The following YIPF6 variants were observed in gnomAD, a reference collection of about 807,000 sequenced individuals.
YIPF6 encodes Yip1 domain family member 6.
YIPF6 carries 3 observed loss-of-function variants against 16.8 expected under a neutral mutation model. The observed-to-expected ratio is 0.18, with a 90% CI of 0.08 to 0.46. YIPF6 has a LOEUF of 0.46. Ranked by LOEUF, YIPF6 falls within the 20% of genes least tolerant of loss-of-function variation. YIPF6 has a pLI of 0.98. For missense variants in YIPF6, 145 were observed against 184.9 expected, an observed-to-expected ratio of 0.78 and a Z score of 1.25; for synonymous variants, 67 against 61.9, an observed-to-expected ratio of 1.08 and a Z score of -0.38.
At chrX:68,510,583 ATAT>A (rs1569324226) in intron 1 of YIPF6, 1 of 89,316 alleles carries the variant, frequency 1.1e-5, no homozygotes, top group African/African-American at 6.7e-5. Flanking sequence ...TTTATATTTT[ATAT>A]TTTATTTATT....
At chrX:68,527,668 C>T (rs1470245166) in intron 6 of YIPF6, among the ~76,000 whole-genome samples, 1 of 111,526 alleles carries the variant, frequency 9.0e-6, no homozygotes, top group East Asian at 2.8e-4. Flanking sequence ...CTGGTATGTT[C>T]CGTCTTTGTT....
At chrX:68,527,566 GT>G (rs769632559) in intron 6 of YIPF6, among the ~76,000 whole-genome samples, 1 of 111,680 alleles carries the variant, frequency 9.0e-6, no homozygotes, top group African/African-American at 3.3e-5. Flanking sequence ...TGATGTTAGG[GT>G]GTCAGTTTTA....
chrX:68,521,658 C>G (rs753754388), intron 5 of YIPF6, among the ~76,000 whole-genome samples, 161 bp downstream of exon 5: 3 of 108,839 alleles, frequency 2.8e-5, no homozygotes, highest in Non-Finnish European at 5.7e-5. Context: ...ACTGCAGCCT[C>G]TATCTCCCAG....
chrX:68,499,278 T>G, intron 1 of YIPF6, 155 bp downstream of exon 1: 1 of 698,128 alleles, frequency 1.4e-6, no homozygotes, highest in East Asian at 4.0e-5. Context: ...ACACTGCACC[T>G]GTTCTTTGCG....
intron 1 of YIPF6, among the ~76,000 whole-genome samples, chrX:68,504,436 G>T (rs1388021463): frequency 1.8e-5 from 2 of 111,399 alleles, no homozygotes; most frequent in Non-Finnish European, 3.8e-5. Context: ...TTCTGACGTG[G>T]TTAGCCCCCA....
Position 68,535,165 on chromosome X carries a change from GT to G in YIPF6, c.*3170del, listed in dbSNP as rs1221082768. On this transcript the variant is annotated 3_prime_UTR_variant, in exon 7 of 7. Coordinates refer to ENST00000462683, the MANE Select transcript of YIPF6 (RefSeq NM_173834.4). ...ATTTTCATATTTTCATTTTGGTGGG[GT>G]TTTCCTGTTGTTGGGCAAGGTGGGG... 8.9e-6 allele frequency: 1 copy of G among 112,324 alleles called. No individual in the cohort carries two copies. The highest frequency in any genetic ancestry group is 9.4e-5 in the Admixed American group (1 of 10,588). 9.3% of individuals were successfully genotyped at this position (112,324 alleles called of 1,213,427 possible).
At chrX:68,528,191 G>T (rs1428525502) in intron 6 of YIPF6, among the ~76,000 whole-genome samples, 2 of 111,518 alleles carry the variant, frequency 1.8e-5, no homozygotes, top group Non-Finnish European at 3.8e-5. Flanking sequence ...ATATATTTAG[G>T]ATAGTTAGCT....
intron 6 of YIPF6, among the ~76,000 whole-genome samples, chrX:68,527,174 A>G (rs763876402): frequency 9.0e-6 from 1 of 111,683 alleles, no homozygotes; most frequent in African/African-American, 3.3e-5. Flanking sequence ...CTATTCAGGG[A>G]TTCGACGTCT....
chrX:68,536,047 C>T lies in YIPF6; in HGVS notation c.*4048C>T, dbSNP rs1487929312. The T allele has an allele frequency of 8.9e-6, 1 of 112,115 alleles. No homozygotes were observed. The highest frequency in any genetic ancestry group is 9.5e-5 in the Admixed American group (1 of 10,546). 9.2% of individuals were successfully genotyped at this position (112,115 alleles called of 1,213,427 possible). ...TCAAGCGATCCACCTGCTTTGGCCTCCCAAAACAGTGGGATTGCAGGCGTG... is the reference window on the plus strand; with the variant it reads ...TCAAGCGATCCACCTGCTTTGGCCTTCCAAAACAGTGGGATTGCAGGCGTG... On this transcript the variant is annotated 3_prime_UTR_variant, in exon 7 of 7. Transcript: ENST00000462683.
At chrX:68,521,534 G>C in intron 5 of YIPF6, 37 bp downstream of exon 5, 3 of 1,186,058 alleles carry the variant, frequency 2.5e-6, no homozygotes, top group African/African-American at 1.8e-5. Context: ...TTTTCCTCTT[G>C]CCAGGTAGTA....
Position 68,532,082 on chromosome X carries a change from T to A in YIPF6, c.*83T>A. On this transcript the variant is annotated 3_prime_UTR_variant, in exon 7 of 7. Transcript: ENST00000462683. ...CACCATGGAGCTTTGTCTCTGGCCC[T>A]TATTTGTCTAATTTTGGAGGTATTT... 2.6e-6 allele frequency: 2 copies of A among 761,188 alleles called. No individual in the cohort carries two copies. Among genetic ancestry groups the A allele is most frequent in the East Asian group, 6.5e-5 (2 of 30,747 alleles). 62.7% of individuals were successfully genotyped at this position (761,188 alleles called of 1,213,427 possible). A position where few individuals can be genotyped will look rare whatever the true frequency, so the allele number is the denominator to read the frequency against.
chrX:68,507,900 G>T (rs1479055491), intron 1 of YIPF6, among the ~76,000 whole-genome samples: 1 of 110,578 alleles, frequency 9.0e-6, no homozygotes, highest in Non-Finnish European at 1.9e-5. Context: ...CACCATGCCG[G>T]CCTTTTATTG....
rs2079156518 is a variant in YIPF6 at position 68,528,121 on chromosome X, C to T, written c.593-3760C>T. ...ACTATTATTGTGTGGGAGTATAAGTCTCTTTGTAGGTCTTTAAGAATTTGT... is the reference window on the plus strand; with the variant it reads ...ACTATTATTGTGTGGGAGTATAAGTTTCTTTGTAGGTCTTTAAGAATTTGT... On this transcript the variant is annotated intron_variant, in intron 6 of 6. Coordinates refer to ENST00000462683, the MANE Select transcript of YIPF6 (RefSeq NM_173834.4). Among the ~76,000 whole-genome samples, 5 of 111,344 alleles carry T rather than the reference C, an allele frequency of 4.5e-5. No homozygotes were observed. The Admixed American group carries it at 4.8e-4, about 11-fold the overall frequency.
chrX:68,515,356 A>G (rs1251886674), intron 3 of YIPF6: 1 of 108,992 alleles, frequency 9.2e-6, no homozygotes, highest in Admixed American at 9.7e-5. Flanking sequence ...AAATAAAAAA[A>G]TAAAACTCCT....
At chrX:68,527,043 G>A (rs903566796) in intron 6 of YIPF6, among the ~76,000 whole-genome samples, 1 of 112,013 alleles carries the variant, frequency 8.9e-6, no homozygotes, top group African/African-American at 3.2e-5. Flanking sequence ...AGTTTCAGAC[G>A]GAATGGTACC....
chrX:68,501,283 AG>A (rs1389665851), intron 1 of YIPF6, among the ~76,000 whole-genome samples: 1 of 112,374 alleles, frequency 8.9e-6, no homozygotes. Flanking sequence ...TATCATGTCC[AG>A]TTGGGGTGAC....
intron 6 of YIPF6, among the ~76,000 whole-genome samples, chrX:68,527,464 A>G (rs1602469742): frequency 1.8e-5 from 2 of 110,664 alleles, no homozygotes; most frequent in Middle Eastern, 4.6e-3. Context: ...TCTTGTCTCT[A>G]TCTCCTTCAG....
At chrX:68,500,461 G>A (rs866337474) in intron 1 of YIPF6, among the ~76,000 whole-genome samples, 5 of 110,447 alleles carry the variant, frequency 4.5e-5, no homozygotes, top group African/African-American at 1.6e-4. Context: ...GATTACAGGC[G>A]CCTGCCACTA....
intron 6 of YIPF6, among the ~76,000 whole-genome samples, chrX:68,528,540 A>AAC (rs2079158630): frequency 9.0e-6 from 1 of 111,262 alleles, no homozygotes; most frequent in African/African-American, 3.3e-5. Context: ...CTAGCTCGTT[A>AAC]TTTTGCCCAT....
Sources: gnomAD v4.1 joint callset for allele counts (sites outside exome capture counted in the v4.1 genomes callset) on GRCh38, gnomAD v4.1.1 for gene constraint, MANE v1.5 for transcripts, NCBI Gene and HGNC (gene_info 2026-07-23, HGNC 2026-07-21) for gene names.